PROM1: variants seen among roughly 807,000 people sequenced by gnomAD.
PROM1 encodes prominin-1.
Under a neutral mutation model 116.9 loss-of-function variants are expected in PROM1, and 105 were observed. The observed-to-expected ratio is 0.90, with a 90% CI of 0.77 to 1.06. The LOEUF is 1.06. PROM1 is among the 50% of genes least tolerant of loss of function. The pLI is 0.00. For missense variants in PROM1, 1,122 were observed against 1,045.2 expected (o/e 1.07, Z -1.01); for synonymous variants, 393 against 387.0 (o/e 1.02, Z -0.18).
rs1413554697 is a variant in PROM1 at position 15,979,427 on chromosome 4, A to G, written c.2550T>C (p.His850=). The G allele has an allele frequency of 3.1e-6, 5 of 1,612,920 alleles. No individual in the cohort carries two copies. The highest frequency in any genetic ancestry group is 1.1e-5 in the South Asian group (1 of 90,878). The change falls in exon 26 of 28, where the codon CAT becomes CAC. Residue 850 remains histidine (H), a synonymous_variant. Transcript: ENST00000447510. ...ENGNNGYHKD[H]VYGIHNPVMT... ...TAACAGGATTGTGAATACCATATAC[A>G]TGATCTTTATGATAACCATTATTAC...
intron 9 of PROM1, 124 bp downstream of exon 9, chr4:16,018,199 G>T (rs1316938672): frequency 1.2e-6 from 1 of 846,684 alleles, no homozygotes; most frequent in African/African-American, 1.7e-5. Flanking sequence ...AAGGCTGATA[G>T]AGGCCAGGGG....
Position 16,040,667 on chromosome 4 carries a change from TG to T in PROM1, c.221-1667del, listed in dbSNP as rs753595019. Among the ~76,000 whole-genome samples the T allele has an allele frequency of 5.1e-4, 78 of 152,360 alleles. 1 individual carries two copies. The highest frequency in any genetic ancestry group is 7.3e-4 in the Non-Finnish European group (50 of 68,034). On this transcript the variant is annotated intron_variant, in intron 2 of 27. Transcript: ENST00000447510. Reference sequence around the variant, plus strand: ...AATAACTGCTACGAACATGCTCATGTGCAAAATAAGACGTCCCTACTCTCAA... The same window carrying T: ...AATAACTGCTACGAACATGCTCATGTCAAAATAAGACGTCCCTACTCTCAA...
In PROM1 at chr4:15,993,892, T is replaced by G; in HGVS notation, c.1767+95A>C. 3.9e-6 allele frequency: 6 copies of G among 1,543,980 alleles called. No individual in the cohort carries two copies. The South Asian group carries it at 7.6e-5, about 19-fold the overall frequency. On this transcript the variant is annotated intron_variant, in intron 16 of 27. Coordinates refer to ENST00000447510, the MANE Select transcript of PROM1 (RefSeq NM_006017.3). ...ACTTTTAAATAGTTAATTTTATCTTTTGCAAATTTCATCTCAATTTCCAGA... is the reference window on the plus strand; with the variant it reads ...ACTTTTAAATAGTTAATTTTATCTTGTGCAAATTTCATCTCAATTTCCAGA...
rs916149879 is a variant in PROM1, at chr4:16,018,461, G to C, written c.864C>G (p.Ser288Arg). 1 of 1,613,586 alleles carries C rather than the reference G, an allele frequency of 6.2e-7. No homozygotes were observed. Among genetic ancestry groups the C allele is most frequent in the Non-Finnish European group, 8.5e-7 (1 of 1,179,870 alleles). ...TAGTTTTCACGCTGGTCAGACTGCTGCTAAGCTGTGTACTTTGTTGGTGCA... is the reference window on the plus strand; with the variant it reads ...TAGTTTTCACGCTGGTCAGACTGCTCCTAAGCTGTGTACTTTGTTGGTGCA... ...KSLHQQSTQL[S>R]SSLTSVKTSL... Residue 288 changes from serine (S) to arginine (R), a missense_variant, in exon 9 of 28, where the codon AGC becomes AGG. Ser to Arg is a moderately radical substitution (Grantham distance 110, BLOSUM62 -1). Coordinates refer to ENST00000447510, the MANE Select transcript of PROM1 (RefSeq NM_006017.3).
intron 3 of PROM1, among the ~76,000 whole-genome samples, chr4:16,036,765 C>T (rs1226903032): frequency 6.6e-6 from 1 of 152,208 alleles, no homozygotes; most frequent in African/African-American, 2.4e-5. Flanking sequence ...CACACTCAGC[C>T]TTTATCAGAC....
chr4:15,987,580 C>A, intron 20 of PROM1, 83 bp downstream of exon 20: 2 of 1,362,060 alleles, frequency 1.5e-6, no homozygotes, highest in East Asian at 2.3e-5. Flanking sequence ...ACTTAAAGTA[C>A]CTACAAAAAT....
At chr4:16,005,854 C>T (rs1178458770) in intron 13 of PROM1, among the ~76,000 whole-genome samples, 3 of 152,218 alleles carry the variant, frequency 2.0e-5, no homozygotes, top group Non-Finnish European at 4.4e-5. Flanking sequence ...TCCTAGCTTA[C>T]ATTTCTGGCT....
intron 12 of PROM1, among the ~76,000 whole-genome samples, chr4:16,007,442 C>T (rs1384720526): frequency 6.6e-6 from 1 of 152,186 alleles, no homozygotes; most frequent in African/African-American, 2.4e-5. Context: ...CACTAAAAAA[C>T]AAAGAATTTA....
chr4:16,006,828 C>T (rs1343596218), intron 12 of PROM1, 138 bp from the exon 13 acceptor site: 1 of 834,684 alleles, frequency 1.2e-6, no homozygotes, highest in African/African-American at 1.7e-5. Flanking sequence ...CCTCAGAGGA[C>T]AATAATGTTG....
chr4:16,065,892 A>G (rs748198320), intron 2 of PROM1, among the ~76,000 whole-genome samples: 14 of 152,222 alleles, frequency 9.2e-5, no homozygotes, highest in Non-Finnish European at 1.5e-4. Flanking sequence ...ATAATTAAGT[A>G]TCTTGAGATG....
Position 15,974,118 on chromosome 4 carries a change from T to TTCTCTCTC in PROM1, c.2583-3044_2583-3037dup, listed in dbSNP as rs35011290. 6.7e-3 allele frequency among the ~76,000 whole-genome samples: 1,006 copies of TTCTCTCTC among 149,436 alleles called. 15 individuals carry two copies. The highest frequency in any genetic ancestry group is 8.9e-3 in the Non-Finnish European group (597 of 67,438). On this transcript the variant is annotated intron_variant, in intron 26 of 27. Coordinates refer to ENST00000447510, the MANE Select transcript of PROM1 (RefSeq NM_006017.3). ...ACACAGACACACACACTCTCTCTCT[T>TTCTCTCTC]TCTCTCTCTCTCTCTCTCTCTCTCT...
Position 15,984,360 on chromosome 4 carries a change from G to A in PROM1, c.2281-5C>T, listed in dbSNP as rs777654968. 5 of 1,562,158 alleles carry A rather than the reference G, an allele frequency of 3.2e-6. No homozygotes were observed. Among genetic ancestry groups the A allele is most frequent in the East Asian group, 2.3e-5 (1 of 43,734 alleles). On this transcript the variant is annotated splice_region_variant and splice_polypyrimidine_tract_variant and intron_variant, in intron 22 of 27. Coordinates refer to ENST00000447510, the MANE Select transcript of PROM1 (RefSeq NM_006017.3). ...CGATGCCACTTTCTCACTGATCTAGGGGGGTGGAAACACAGGGAAACTTTG... is the reference window on the plus strand; with the variant it reads ...CGATGCCACTTTCTCACTGATCTAGAGGGGTGGAAACACAGGGAAACTTTG...
chr4:15,985,674 AT>A lies in PROM1; in HGVS notation c.2280+85del, dbSNP rs1488819799. ...TTCCTACCAAATTATGGGAAATTTA[AT>A]TTTATTTCTTCCAGATTTTACCCTA... On this transcript the variant is annotated intron_variant, in intron 22 of 27. Transcript: ENST00000447510. 5.0e-6 allele frequency: 5 copies of A among 1,008,448 alleles called. No homozygotes were observed. In the African/African-American group the frequency reaches 6.4e-5, roughly 13 times the overall value. The allele number at this position is 1,008,448 out of a possible 1,614,324, so 62.5% of individuals were successfully genotyped here.
chr4:16,073,777 T>G (rs977077168), intron 2 of PROM1, among the ~76,000 whole-genome samples: 3 of 152,212 alleles, frequency 2.0e-5, no homozygotes, highest in Non-Finnish European at 2.9e-5. Flanking sequence ...ACAATGTTGT[T>G]GCAGTTCAAA....
chr4:16,025,872 A>C (rs771715366), intron 5 of PROM1, among the ~76,000 whole-genome samples: 1 of 152,248 alleles, frequency 6.6e-6, no homozygotes, highest in Non-Finnish European at 1.5e-5. Flanking sequence ...GGAAAGTAAC[A>C]TGAGTTACTT....
At chr4:16,049,080 C>T (rs760215756) in intron 2 of PROM1, among the ~76,000 whole-genome samples, 3 of 152,192 alleles carry the variant, frequency 2.0e-5, no homozygotes, top group Admixed American at 6.5e-5. Context: ...CCTGTGCTGC[C>T]GCCCCTGGAG....
chr4:16,067,566 G>A (rs919266583), intron 2 of PROM1, among the ~76,000 whole-genome samples: 1 of 152,228 alleles, frequency 6.6e-6, no homozygotes, highest in Non-Finnish European at 1.5e-5. Flanking sequence ...CAGAGTGACT[G>A]ACATGGAGGA....
intron 8 of PROM1, among the ~76,000 whole-genome samples, chr4:16,018,810 C>T (rs989244198): frequency 2.0e-5 from 3 of 152,172 alleles, no homozygotes; most frequent in African/African-American, 7.2e-5. Context: ...GGGGACACCT[C>T]AATGCAGCAT....
At chr4:15,995,613 T>A (rs751547493) in intron 15 of PROM1, among the ~76,000 whole-genome samples, 2 of 152,118 alleles carry the variant, frequency 1.3e-5, no homozygotes, top group African/African-American at 2.4e-5. Context: ...TAGTGGGATT[T>A]TTAAAAGCTC....
Sources: gnomAD v4.1 joint callset for allele counts (sites outside exome capture counted in the v4.1 genomes callset) on GRCh38, gnomAD v4.1.1 for gene constraint, MANE v1.5 for transcripts, NCBI Gene and HGNC (gene_info 2026-07-23, HGNC 2026-07-21) for gene names.